Variants in TXNDC15 observed in about 807,000 individuals in gnomAD.
The protein encoded by TXNDC15 is thioredoxin domain containing 15, also known as thioredoxin domain-containing protein 15.
A neutral mutation model predicts 35.0 loss-of-function variants in TXNDC15; 24 were observed. The ratio of observed to expected loss-of-function variants is 0.68; its 90% confidence interval spans 0.50 to 0.96. The LOEUF (loss-of-function observed/expected upper bound fraction) is 0.96, where lower values mean the gene tolerates loss of function less well. TXNDC15 is among the 40% of genes least tolerant of loss of function. TXNDC15 has a pLI of 0.00. For missense variants in TXNDC15, 385 were observed against 453.3 expected (o/e 0.85, Z 1.37); for synonymous variants, 169 against 174.0 (o/e 0.97, Z 0.23).
rs756475537 is a variant in TXNDC15 at position 134,893,509 on chromosome 5, G to C, written c.609G>C (p.Leu203=). ...TACCACAGGACCTTATGGATTTTCT[G>C]AACCCAAACGGTAGTGACTGTACTC... ...LNMSQDLMDF[L]NPNGSDCTLV... Residue 203 remains leucine, a synonymous_variant, in exon 3 of 5, where the codon CTG becomes CTC. Coordinates refer to ENST00000358387, the MANE Select transcript of TXNDC15 (RefSeq NM_024715.4). 3 of 1,614,122 alleles carry C rather than the reference G, an allele frequency of 1.9e-6. No homozygotes were observed. In the East Asian group the frequency reaches 6.7e-5, roughly 36 times the overall value.
At chr5:134,880,815 T>G (rs1750126889) in intron 1 of TXNDC15, among the ~76,000 whole-genome samples, 1 of 152,118 alleles carries the variant, frequency 6.6e-6, no homozygotes, top group Admixed American at 6.6e-5. Flanking sequence ...AGAAACCTGT[T>G]GTTATCCTTT....
At chr5:134,896,496 TCTG>T (rs1436389830) in intron 4 of TXNDC15, 72 bp downstream of exon 4, 3 of 1,568,752 alleles carry the variant, frequency 1.9e-6, no homozygotes, top group Non-Finnish European at 2.6e-6. Flanking sequence ...TGGGTTCTGA[TCTG>T]CTATAATCCT....
At chr5:134,877,073 C>T (rs572204909) in intron 1 of TXNDC15, among the ~76,000 whole-genome samples, 3 of 152,180 alleles carry the variant, frequency 2.0e-5, no homozygotes, top group Non-Finnish European at 2.9e-5. Flanking sequence ...AGTCCCAGGG[C>T]GTTTTTGGGA....
In TXNDC15 at chr5:134,899,739, T is replaced by G. The variant is rs189923607; in HGVS notation, c.*54T>G. Reference sequence around the variant, plus strand: ...AACTTCAATCCTTCGTTTCAGAAATTAGTGCTACAGTTTCATACATTTTCT... The same window carrying G: ...AACTTCAATCCTTCGTTTCAGAAATGAGTGCTACAGTTTCATACATTTTCT... On this transcript the variant is annotated 3_prime_UTR_variant, in exon 5 of 5. Transcript: ENST00000358387. 7 of 1,416,362 alleles carry G rather than the reference T, an allele frequency of 4.9e-6. No homozygotes were observed. Among genetic ancestry groups the G allele is most frequent in the South Asian group, 4.2e-5 (3 of 71,120 alleles). 87.7% of individuals were successfully genotyped at this position (1,416,362 alleles called of 1,614,324 possible).
At chr5:134,883,837 C>A (rs1224610535) in intron 1 of TXNDC15, among the ~76,000 whole-genome samples, 1 of 150,708 alleles carries the variant, frequency 6.6e-6, no homozygotes, top group Non-Finnish European at 1.5e-5. Flanking sequence ...ATTGCTTGAA[C>A]CTGGGAGGTG....
intron 1 of TXNDC15, among the ~76,000 whole-genome samples, chr5:134,884,523 C>T (rs1221015468): frequency 2.0e-5 from 3 of 151,820 alleles, no homozygotes; most frequent in African/African-American, 7.3e-5. Context: ...GCTGAGATTA[C>T]AGGTGTGAGC....
intron 3 of TXNDC15, among the ~76,000 whole-genome samples, chr5:134,894,945 A>G (rs1472147891): frequency 6.6e-6 from 1 of 152,060 alleles, no homozygotes. Context: ...AGGCCAAGGT[A>G]GAAGGATTGC....
intron 1 of TXNDC15, among the ~76,000 whole-genome samples, chr5:134,884,857 T>A (rs961421640): frequency 6.6e-6 from 1 of 152,136 alleles, no homozygotes; most frequent in East Asian, 1.9e-4. Context: ...GATAATTTTT[T>A]ACTGGATGCC....
rs760579409 is a variant in TXNDC15 at position 134,893,535 on chromosome 5, T to C, written c.635T>C (p.Leu212Pro). 1.9e-6 allele frequency: 3 copies of C among 1,614,224 alleles called. No individual in the cohort carries two copies. The South Asian group carries it at 3.3e-5, about 18-fold the overall frequency. Residue 212 changes from leucine (L) to proline (P), a missense_variant, in exon 3 of 5, where the codon CTA becomes CCA. Transcript: ENST00000358387. ...FLNPNGSDCT[L>P]VLFYTPWCRF... is the part of the protein sequence containing the mutation. Reference sequence around the variant, plus strand: ...AACCCAAACGGTAGTGACTGTACTCTAGTCCTGTTTTACACCCCGTGGTGC... The same window carrying C: ...AACCCAAACGGTAGTGACTGTACTCCAGTCCTGTTTTACACCCCGTGGTGC...
intron 1 of TXNDC15, chr5:134,875,071 G>C (rs1750004640): frequency 2.2e-6 from 1 of 451,254 alleles, no homozygotes; most frequent in East Asian, 7.0e-5. Flanking sequence ...TGACGCCAAA[G>C]CCCAGTCTGG....
At chr5:134,882,732 C>G (rs1160212664) in intron 1 of TXNDC15, among the ~76,000 whole-genome samples, 4 of 152,040 alleles carry the variant, frequency 2.6e-5, no homozygotes, top group East Asian at 1.9e-4. Flanking sequence ...CGCAGGCACT[C>G]GGCAGGCTGA....
rs946861261 is a variant in TXNDC15 at position 134,882,417 on chromosome 5, C to T, written c.104-5278C>T. ...CAGACAATGGGCGGCCAGGCAGAGACGCTCCTCACTTCCCAGACAGGGTGG... is the reference window on the plus strand; with the variant it reads ...CAGACAATGGGCGGCCAGGCAGAGATGCTCCTCACTTCCCAGACAGGGTGG... On this transcript the variant is annotated intron_variant, in intron 1 of 4. Transcript: ENST00000358387. Among the ~76,000 whole-genome samples, 374 of 152,132 alleles carry T rather than the reference C, an allele frequency of 2.5e-3. 3 individuals carry two copies. Among genetic ancestry groups the T allele is most frequent in the Non-Finnish European group, 4.3e-3 (291 of 67,996 alleles).
chr5:134,880,101 T>C (rs1336867782), intron 1 of TXNDC15, among the ~76,000 whole-genome samples: 3 of 152,090 alleles, frequency 2.0e-5, no homozygotes, highest in Non-Finnish European at 4.4e-5. Context: ...AGCCCCTTCT[T>C]ACCTGCTTTC....
chr5:134,878,960 C>G (rs577222479), intron 1 of TXNDC15, among the ~76,000 whole-genome samples: 1 of 152,348 alleles, frequency 6.6e-6, no homozygotes, highest in East Asian at 1.9e-4. Context: ...GATCGTGCCA[C>G]TGCACTCCAG....
intron 1 of TXNDC15, among the ~76,000 whole-genome samples, chr5:134,887,465 G>T (rs1366217625): frequency 6.6e-6 from 1 of 152,224 alleles, no homozygotes; most frequent in South Asian, 2.1e-4. Flanking sequence ...AGAATTACAG[G>T]TGTGAACCAC....
Position 134,895,011 on chromosome 5 carries a change from A to T in TXNDC15, c.756-1283A>T, listed in dbSNP as rs193096923. ...CAACATGGCAGAACTCCATCTCTAT[A>T]AAAAAAAATACAAAAAATTGACTGA... On this transcript the variant is annotated intron_variant, in intron 3 of 4. Transcript: ENST00000358387. Among the ~76,000 whole-genome samples, 237 of 150,546 alleles carry T rather than the reference A, an allele frequency of 1.6e-3. 1 individual carries two copies. The highest frequency in any genetic ancestry group is 5.5e-3 in the African/African-American group (228 of 41,174).
Position 134,893,529 on chromosome 5 carries a change from GTACTCTAGTCCTGTTT to G in TXNDC15, c.633_648del (p.Leu212ProfsTer44), listed in dbSNP as rs1331881890. On this transcript the variant is annotated frameshift_variant, in exon 3 of 5. Coordinates refer to ENST00000358387, the MANE Select transcript of TXNDC15 (RefSeq NM_024715.4). LOFTEE classifies it high-confidence loss of function. ...TTTCTGAACCCAAACGGTAGTGACTGTACTCTAGTCCTGTTTTACACCCCGTGGTGCCGCTTTTCTG... is the reference window on the plus strand; with the variant it reads ...TTTCTGAACCCAAACGGTAGTGACTGTACACCCCGTGGTGCCGCTTTTCTG... 1 of 1,614,062 alleles carries G rather than the reference GTACTCTAGTCCTGTTT, an allele frequency of 6.2e-7. No homozygotes were observed. The highest frequency in any genetic ancestry group is 8.5e-7 in the Non-Finnish European group (1 of 1,180,048).
At chr5:134,886,117 T>A (rs1371660501) in intron 1 of TXNDC15, among the ~76,000 whole-genome samples, 1 of 152,246 alleles carries the variant, frequency 6.6e-6, no homozygotes, top group Non-Finnish European at 1.5e-5. Flanking sequence ...ATTGATCTGA[T>A]CTTTACAAAT....
intron 1 of TXNDC15, chr5:134,875,041 G>C: frequency 2.3e-6 from 1 of 428,176 alleles, no homozygotes; most frequent in South Asian, 1.6e-5. Flanking sequence ...CTTCTGATAC[G>C]TGGCAGAAGC....
Sources: allele counts gnomAD v4.1 joint callset (sites outside exome capture counted in the v4.1 genomes callset), GRCh38; gene constraint gnomAD v4.1.1; transcripts MANE v1.5; gene names NCBI Gene and HGNC (gene_info 2026-07-23, HGNC 2026-07-21).